The following NOL4 variants were observed in gnomAD, a reference collection of about 807,000 sequenced individuals.
NOL4 encodes cancer/testis antigen 125.
A neutral mutation model predicts 75.9 loss-of-function variants in NOL4; 17 were observed. The observed-to-expected ratio is 0.22, with a 90% CI of 0.15 to 0.34. The LOEUF is 0.34. NOL4 is among the 10% of genes least tolerant of loss of function. NOL4 has a pLI of 1.00. For synonymous variants in NOL4, 292 were observed against 289.9 expected, an observed-to-expected ratio of 1.01 and a Z score of -0.07; for missense variants, 614 against 793.5, an observed-to-expected ratio of 0.77 and a Z score of 2.72.
chr18:34,165,014 T>G (rs1321504054), intron 1 of NOL4, among the ~76,000 whole-genome samples: 3 of 149,362 alleles, frequency 2.0e-5, no homozygotes, highest in African/African-American at 7.4e-5. Flanking sequence ...CACCGCATAT[T>G]CTCACTCATA....
At position 33,962,988 on chromosome 18, in the gene NOL4, A is replaced by T. The variant is rs529100672; in HGVS notation, c.1057-4570T>A. ...TGATGTTATTTTGCTCTACAAAACA[A>T]ACTGAAATTTTTATAACTGAATTCT... On this transcript the variant is annotated intron_variant, in intron 6 of 10. Coordinates refer to ENST00000261592, the MANE Select transcript of NOL4 (RefSeq NM_003787.5). Among the ~76,000 whole-genome samples the T allele has an allele frequency of 7.2e-5, 11 of 152,284 alleles. No individual in the cohort carries two copies. The South Asian group carries it at 2.3e-3, about 32-fold the overall frequency.
At chr18:34,205,201 T>C (rs2036035972) in intron 1 of NOL4, among the ~76,000 whole-genome samples, 1 of 152,126 alleles carries the variant, frequency 6.6e-6, no homozygotes, top group Non-Finnish European at 1.5e-5. Flanking sequence ...CATAATATTA[T>C]TTATGCCATG....
intron 6 of NOL4, among the ~76,000 whole-genome samples, chr18:33,988,297 C>A (rs1410492569): frequency 1.3e-5 from 2 of 152,076 alleles, no homozygotes; most frequent in Non-Finnish European, 2.9e-5. Context: ...ATCACTAGAC[C>A]TCCCTACTTC....
At chr18:34,081,450 CA>C (rs1315203047) in intron 5 of NOL4, among the ~76,000 whole-genome samples, 1 of 152,006 alleles carries the variant, frequency 6.6e-6, no homozygotes, top group Non-Finnish European at 1.5e-5. Context: ...TATTTTAAGA[CA>C]TGTGACTTGT....
chr18:34,143,910 T>C (rs529738776), intron 1 of NOL4, among the ~76,000 whole-genome samples: 2 of 148,806 alleles, frequency 1.3e-5, no homozygotes, highest in South Asian at 2.2e-4. Context: ...TCAGCTCTAC[T>C]AAGACAATGG....
At chr18:33,858,230 T>G (rs1167960945) in intron 10 of NOL4, among the ~76,000 whole-genome samples, 1 of 152,074 alleles carries the variant, frequency 6.6e-6, no homozygotes, top group Non-Finnish European at 1.5e-5. Context: ...AAAATGTGAT[T>G]TAATAAACTT....
intron 10 of NOL4, among the ~76,000 whole-genome samples, chr18:33,868,604 T>G (rs1157677231): frequency 6.6e-6 from 1 of 151,814 alleles, no homozygotes; most frequent in African/African-American, 2.4e-5. Flanking sequence ...TGCTTTTTGT[T>G]CTGTATGTTT....
chr18:34,044,018 CT>C (rs555211895), intron 5 of NOL4, among the ~76,000 whole-genome samples: 136 of 152,230 alleles, frequency 8.9e-4, no homozygotes, highest in African/African-American at 3.1e-3. Flanking sequence ...ACTGCTCATT[CT>C]TCTCACTTTA....
intron 5 of NOL4, among the ~76,000 whole-genome samples, chr18:34,086,318 T>G (rs1294570007): frequency 6.6e-6 from 1 of 152,168 alleles, no homozygotes; most frequent in Admixed American, 6.5e-5. Flanking sequence ...TAACAATTTT[T>G]GCTCTATCCC....
chr18:33,941,329 C>T (rs892571352), intron 9 of NOL4, among the ~76,000 whole-genome samples: 4 of 151,952 alleles, frequency 2.6e-5, no homozygotes, highest in Admixed American at 2.0e-4. Context: ...TATAACAACT[C>T]CACATGATTA....
rs556349255 is a variant in NOL4, at chr18:34,108,263, C to T, written c.415-3103G>A. On this transcript the variant is annotated intron_variant, in intron 2 of 10. Transcript: ENST00000261592. ...TACAACTACACAAACATCATCAAATCACAAAGGAAGAGACCAAGAAAGGAA... is the reference window on the plus strand; with the variant it reads ...TACAACTACACAAACATCATCAAATTACAAAGGAAGAGACCAAGAAAGGAA... Among the ~76,000 whole-genome samples, 4 of 151,944 alleles carry T rather than the reference C, an allele frequency of 2.6e-5. No individual in the cohort carries two copies. In the South Asian group the frequency reaches 8.4e-4, roughly 32 times the overall value.
intron 5 of NOL4, among the ~76,000 whole-genome samples, chr18:34,068,027 T>C (rs1280981578): frequency 2.6e-5 from 4 of 151,732 alleles, no homozygotes. Flanking sequence ...AGTAAAGAGA[T>C]GGGAGAAATG....
At chr18:34,158,063 G>A (rs1306165732) in intron 1 of NOL4, among the ~76,000 whole-genome samples, 1 of 152,158 alleles carries the variant, frequency 6.6e-6, no homozygotes, top group Admixed American at 6.5e-5. Flanking sequence ...TAAAGAGGTA[G>A]TATCAAAGTC....
chr18:33,966,619 T>C (rs1378690017), intron 6 of NOL4, among the ~76,000 whole-genome samples: 5 of 152,206 alleles, frequency 3.3e-5, no homozygotes, highest in African/African-American at 1.2e-4. Flanking sequence ...AATCAACATA[T>C]AAAAATCAGT....
intron 9 of NOL4, among the ~76,000 whole-genome samples, chr18:33,888,455 G>A (rs1031763965): frequency 2.0e-5 from 3 of 152,076 alleles, no homozygotes; most frequent in African/African-American, 7.2e-5. Context: ...GTCTTTTGTT[G>A]CCATTGCTTT....
At chr18:33,861,422 A>G (rs2144272757) in intron 10 of NOL4, among the ~76,000 whole-genome samples, 1 of 152,276 alleles carries the variant, frequency 6.6e-6, no homozygotes, top group South Asian at 2.1e-4. Context: ...TTATTTGTGT[A>G]GAGGTGTTTG....
rs567275937 is a variant in NOL4, at chr18:34,008,820, TCAGCTG to T, written c.1056+10492_1056+10497del. Among the ~76,000 whole-genome samples the T allele has an allele frequency of 1.2e-4, 19 of 152,142 alleles. 1 individual carries two copies. In the South Asian group the frequency reaches 3.9e-3, roughly 32 times the overall value. On this transcript the variant is annotated intron_variant, in intron 6 of 10. Transcript: ENST00000261592. Reference sequence around the variant, plus strand: ...ACTCTATTCCAAATTAAGGCTAAAGTCAGCTGCATAGCTGGGAGTTCAGGGAAGCCA... The same window carrying T: ...ACTCTATTCCAAATTAAGGCTAAAGTCATAGCTGGGAGTTCAGGGAAGCCA...
chr18:34,185,615 AACTCT>A (rs2034400762), intron 1 of NOL4, among the ~76,000 whole-genome samples: 1 of 152,198 alleles, frequency 6.6e-6, no homozygotes, highest in Admixed American at 6.6e-5. Flanking sequence ...TGTCAGACCC[AACTCT>A]ACTCTTTTCA....
chr18:34,074,639 G>A (rs563215489), intron 5 of NOL4, among the ~76,000 whole-genome samples: 2 of 152,064 alleles, frequency 1.3e-5, no homozygotes, highest in Admixed American at 1.3e-4. Context: ...ATAGCCCAAG[G>A]AAGATGATAT....
Sources: allele counts gnomAD v4.1 joint callset (sites outside exome capture counted in the v4.1 genomes callset), GRCh38; gene constraint gnomAD v4.1.1; transcripts MANE v1.5; gene names NCBI Gene and HGNC (gene_info 2026-07-23, HGNC 2026-07-21).